ABCA10: variants seen among roughly 807,000 people sequenced by gnomAD.
ABCA10 encodes the protein ATP binding cassette subfamily A member 10, also known as ATP-binding cassette sub-family A member 10.
ABCA10 carries 169 observed loss-of-function variants against 187.5 expected under a neutral mutation model. The observed-to-expected ratio is 0.90, with a 90% confidence interval of 0.80 to 1.02. ABCA10 has a LOEUF of 1.02. ABCA10 is among the 50% of genes least tolerant of loss of function. ABCA10 has a pLI of 0.00. For synonymous variants in ABCA10, 574 were observed against 601.8 expected (o/e 0.95, Z 0.68); for missense variants, 1,727 against 1,812.4 (o/e 0.95, Z 0.86).
chr17:69,192,463 A>G (rs2074467793), intron 16 of ABCA10, 100 bp downstream of exon 16: 2 of 1,003,624 alleles, frequency 2.0e-6, no homozygotes, highest in African/African-American at 1.6e-5. Context: ...AGTTTCTACC[A>G]GAAGTTAAGT....
chr17:69,207,210 C>G (rs886427357), intron 9 of ABCA10, among the ~76,000 whole-genome samples: 10 of 152,124 alleles, frequency 6.6e-5, no homozygotes, highest in Admixed American at 2.0e-4. Context: ...ACATCTCTTG[C>G]AAGGGATGCT....
chr17:69,188,318 A>C (rs1568061313), intron 18 of ABCA10, among the ~76,000 whole-genome samples: 2 of 152,034 alleles, frequency 1.3e-5, no homozygotes. Flanking sequence ...CAAATGATGG[A>C]AAGTTCATGG....
intron 6 of ABCA10, among the ~76,000 whole-genome samples, chr17:69,217,971 T>C (rs2074718733): frequency 6.6e-6 from 1 of 152,200 alleles, no homozygotes; most frequent in African/African-American, 2.4e-5. Flanking sequence ...ACACAAAATC[T>C]GCTATCTTGT....
rs1450268966 is a variant in ABCA10 at position 69,200,701 on chromosome 17, CATTCT to C, written c.1175+794_1175+798del. 5.9e-5 allele frequency among the ~76,000 whole-genome samples: 9 copies of C among 152,228 alleles called. No homozygotes were observed. The East Asian group carries it at 9.6e-4, about 16-fold the overall frequency. On this transcript the variant is annotated intron_variant, in intron 10 of 38. Transcript: ENST00000690296. Reference sequence around the variant, plus strand: ...TATATTATTAAAGATGAAAGAGAGGCATTCTATTCTATTTATTTATTTACTTCTGA... The same window carrying C: ...TATATTATTAAAGATGAAAGAGAGGCATTCTATTTATTTATTTACTTCTGA...
At chr17:69,182,093 G>A in intron 22 of ABCA10, 60 bp downstream of exon 22, 1 of 1,402,974 alleles carries the variant, frequency 7.1e-7, no homozygotes, top group Non-Finnish European at 9.4e-7. Context: ...AGGCTCTAGA[G>A]CCCTCATCCT....
Position 69,177,917 on chromosome 17 carries a change from C to T in ABCA10, c.2770-2404G>A, listed in dbSNP as rs531509863. Among the ~76,000 whole-genome samples, 11 of 74,652 alleles carry T rather than the reference C, an allele frequency of 1.5e-4. No homozygotes were observed. In the South Asian group the frequency reaches 5.6e-3, roughly 38 times the overall value. The allele number at this position is 74,652 out of a possible 152,430, so 49.0% of individuals were successfully genotyped here. On this transcript the variant is annotated intron_variant, in intron 22 of 38. Coordinates refer to ENST00000690296, the MANE Select transcript of ABCA10 (RefSeq NM_001377321.1). ...GTTGCAGTGAGCTGAGATCTTGCCA[C>T]TGCATGCCAGCCTGGGTGACAGAAT... is the stretch of plus-strand genomic sequence containing the variant.
At chr17:69,234,455 C>T (rs1460397871) in intron 1 of ABCA10, 1 of 152,250 alleles carries the variant, frequency 6.6e-6, no homozygotes, top group Non-Finnish European at 1.5e-5. Context: ...AGTTTTTAGC[C>T]AAGCTCCTTG....
chr17:69,187,506 C>T (rs2074430941), intron 19 of ABCA10, among the ~76,000 whole-genome samples, 175 bp downstream of exon 19: 1 of 152,132 alleles, frequency 6.6e-6, no homozygotes, highest in Admixed American at 6.5e-5. Flanking sequence ...TCCAGTGTCA[C>T]AGTATTGGCT....
At chr17:69,166,646 G>A (rs2074256794) in intron 25 of ABCA10, among the ~76,000 whole-genome samples, 1 of 152,198 alleles carries the variant, frequency 6.6e-6, no homozygotes, top group Non-Finnish European at 1.5e-5. Context: ...GCTGGAGAAT[G>A]TAATGCCCTC....
intron 20 of ABCA10, 77 bp from the exon 21 acceptor site, chr17:69,182,885 T>C: frequency 2.0e-6 from 3 of 1,501,362 alleles, no homozygotes; most frequent in South Asian, 1.4e-5. Flanking sequence ...AAAATAATAA[T>C]GATTGCCAAT....
chr17:69,225,790 T>G (rs2074789216), intron 2 of ABCA10, among the ~76,000 whole-genome samples: 1 of 152,108 alleles, frequency 6.6e-6, no homozygotes, highest in South Asian at 2.1e-4. Flanking sequence ...GGACTGCCAT[T>G]GATTTTATGC....
chr17:69,200,721 T>C (rs926735928), intron 10 of ABCA10, among the ~76,000 whole-genome samples: 3 of 152,236 alleles, frequency 2.0e-5, no homozygotes, highest in Admixed American at 2.0e-4. Flanking sequence ...TATTTATTTA[T>C]TTACTTCTGA....
At chr17:69,212,313 C>G (rs2074667259) in intron 9 of ABCA10, among the ~76,000 whole-genome samples, 1 of 152,054 alleles carries the variant, frequency 6.6e-6, no homozygotes, top group South Asian at 2.1e-4. Flanking sequence ...AGTTGATTTT[C>G]AATTTTGTTC....
At position 69,216,065 on chromosome 17, in the gene ABCA10, T is replaced by C. The variant is rs898127068; in HGVS notation, c.673-65A>G. 2.6e-6 allele frequency: 4 copies of C among 1,566,328 alleles called. No individual in the cohort carries two copies. In the Admixed American group the frequency reaches 6.3e-5, roughly 25 times the overall value. ...GAAGATTCATAAATAGCAATATTCA[T>C]CGATTTCTCACATTGTCAAAAATTT... On this transcript the variant is annotated intron_variant, in intron 7 of 38. Coordinates refer to ENST00000690296, the MANE Select transcript of ABCA10 (RefSeq NM_001377321.1).
chr17:69,213,309 G>A (rs1411218780), intron 9 of ABCA10, among the ~76,000 whole-genome samples: 1 of 150,992 alleles, frequency 6.6e-6, no homozygotes, highest in Non-Finnish European at 1.5e-5. Flanking sequence ...CCAGCGGTGG[G>A]GAGAATAAAA....
intron 15 of ABCA10, 29 bp from the exon 16 acceptor site, chr17:69,192,682 A>C (rs753972098): frequency 9.7e-6 from 15 of 1,554,006 alleles, no homozygotes; most frequent in Admixed American, 1.7e-5. Context: ...TCAAAAAATT[A>C]TGTGAAGAGT....
chr17:69,237,121 C>T (rs1464978579), intron 1 of ABCA10, among the ~76,000 whole-genome samples: 4 of 152,156 alleles, frequency 2.6e-5, no homozygotes, highest in African/African-American at 9.7e-5. Flanking sequence ...ACTTCTTACT[C>T]ATTTAATTCA....
upstream of ABCA10, chr17:69,233,275 C>CTGAT (rs910217057): frequency 6.6e-6 from 1 of 152,016 alleles, no homozygotes; most frequent in Non-Finnish European, 1.5e-5. Flanking sequence ...TTTACCTCCT[C>CTGAT]TGATTATTTC....
rs373450225 is a variant in ABCA10 at position 69,150,100 on chromosome 17, C to T, written c.4398-37G>A. The T allele has an allele frequency of 1.8e-5, 27 of 1,497,162 alleles. No individual in the cohort carries two copies. In the African/African-American group the frequency reaches 3.8e-4, roughly 21 times the overall value. 92.7% of individuals were successfully genotyped at this position (1,497,162 alleles called of 1,614,324 possible). ...AAGAGTGAGATTTATTACTAAGTTTCAGTGTGATAATACGGGGGAGGAATT... is the reference window on the plus strand; with the variant it reads ...AAGAGTGAGATTTATTACTAAGTTTTAGTGTGATAATACGGGGGAGGAATT... On this transcript the variant is annotated intron_variant, in intron 36 of 38. Transcript: ENST00000690296.
Sources: allele counts gnomAD v4.1 joint callset (sites outside exome capture counted in the v4.1 genomes callset), GRCh38; gene constraint gnomAD v4.1.1; transcripts MANE v1.5; gene names NCBI Gene and HGNC (gene_info 2026-07-23, HGNC 2026-07-21).